MTMR1: variants seen among roughly 807,000 people sequenced by gnomAD.
The protein encoded by MTMR1 is myotubularin related protein 1, also known as phosphatidylinositol-3-phosphate phosphatase MTMR1.
A neutral mutation model predicts 51.6 loss-of-function variants in MTMR1; 17 were observed. The observed-to-expected ratio is 0.33, with a 90% CI of 0.23 to 0.49. MTMR1 has a LOEUF of 0.49. Among genes scored for constraint, MTMR1 ranks in the 20% least tolerant of loss-of-function variants. The pLI is 0.99. For synonymous variants in MTMR1, 201 were observed against 205.6 expected, an observed-to-expected ratio of 0.98 and a Z score of 0.19; for missense variants, 386 against 526.9, an observed-to-expected ratio of 0.73 and a Z score of 2.62.
rs182767235 is a variant in MTMR1 at position 150,727,541 on chromosome X, A to G, written c.448-143A>G. 697 of 498,245 alleles carry G rather than the reference A, an allele frequency of 1.4e-3. 1 individual carries two copies. Among genetic ancestry groups the G allele is most frequent in the Non-Finnish European group, 1.8e-3 (549 of 300,369 alleles). 41.1% of individuals were successfully genotyped at this position (498,245 alleles called of 1,213,427 possible). On this transcript the variant is annotated intron_variant, in intron 5 of 15. Transcript: ENST00000445323. The stretch of plus-strand genomic sequence containing the variant: ...TTGTCTCAATATATATTTCACAAGG[A>G]ATGCTGTCAATCAGACTTCAATTTA...
intron 10 of MTMR1, among the ~76,000 whole-genome samples, chrX:150,733,892 G>T (rs1214645380): frequency 8.9e-6 from 1 of 111,818 alleles, no homozygotes; most frequent in Non-Finnish European, 1.9e-5. Context: ...AGTGGTGTCT[G>T]TTACTGAGAT....
intron 1 of MTMR1, among the ~76,000 whole-genome samples, chrX:150,698,323 C>T (rs1557415796): frequency 9.1e-6 from 1 of 109,995 alleles, no homozygotes; most frequent in Non-Finnish European, 1.9e-5. Flanking sequence ...AAATAAAAAC[C>T]ATTTGTAAGT....
At chrX:150,740,069 A>AGATCAAT (rs1461129005) in intron 12 of MTMR1, among the ~76,000 whole-genome samples, 1 of 111,072 alleles carries the variant, frequency 9.0e-6, no homozygotes, top group Non-Finnish European at 1.9e-5. Context: ...CCTCTTCCCT[A>AGATCAAT]GATCATTCCC....
chrX:150,740,233 C>T (rs782320024), intron 12 of MTMR1, among the ~76,000 whole-genome samples: 2 of 112,105 alleles, frequency 1.8e-5, no homozygotes, highest in East Asian at 5.6e-4. Flanking sequence ...TCCTTCCAGA[C>T]TGTCTTGAAA....
intron 9 of MTMR1, among the ~76,000 whole-genome samples, chrX:150,732,186 T>C (rs781806645): frequency 8.9e-6 from 1 of 112,159 alleles, no homozygotes; most frequent in Non-Finnish European, 1.9e-5. Flanking sequence ...ACGTATATTA[T>C]TGTTGAGATA....
In MTMR1 at chrX:150,762,843, C is replaced by A; in HGVS notation, c.*114C>A. On this transcript the variant is annotated 3_prime_UTR_variant, in exon 16 of 16. Coordinates refer to ENST00000445323, the MANE Select transcript of MTMR1 (RefSeq NM_001306144.3). ...TGTCTTTTAGGATTAGGCCCAGGGA[C>A]CATTTGTGTGGCTAGGTGACAGCTC... 1.2e-6 allele frequency: 1 copy of A among 865,515 alleles called. No individual in the cohort carries two copies. The highest frequency in any genetic ancestry group is 1.5e-6 in the Non-Finnish European group (1 of 659,936). 71.3% of individuals were successfully genotyped at this position (865,515 alleles called of 1,213,427 possible). A position where few individuals can be genotyped will look rare whatever the true frequency, so the allele number is the denominator to read the frequency against.
intron 1 of MTMR1, among the ~76,000 whole-genome samples, chrX:150,693,877 C>T (rs1207966169): frequency 9.1e-6 from 1 of 110,286 alleles, no homozygotes; most frequent in African/African-American, 3.3e-5. Flanking sequence ...GCCCTCGGAC[C>T]TGCTGCGGGC....
upstream of MTMR1, chrX:150,693,247 C>T (rs2040536995): frequency 1.6e-5 from 2 of 126,562 alleles, no homozygotes; most frequent in African/African-American, 3.2e-5. Flanking sequence ...CCCAGATCCC[C>T]GCTGTAAGGC....
At chrX:150,734,388 C>T (rs1557417089) in intron 10 of MTMR1, among the ~76,000 whole-genome samples, 1 of 112,907 alleles carries the variant, frequency 8.9e-6, no homozygotes, top group Non-Finnish European at 1.9e-5. Flanking sequence ...GCCAGGGATT[C>T]GATGTGGATG....
At chrX:150,738,821 G>A (rs1177086489) in intron 12 of MTMR1, among the ~76,000 whole-genome samples, 1 of 111,718 alleles carries the variant, frequency 9.0e-6, no homozygotes, top group Non-Finnish European at 1.9e-5. Context: ...CTCAATTTTG[G>A]GGATCACAAG....
chrX:150,705,264 G>A (rs1428188224), intron 2 of MTMR1, among the ~76,000 whole-genome samples: 1 of 111,505 alleles, frequency 9.0e-6, no homozygotes, highest in Non-Finnish European at 1.9e-5. Flanking sequence ...TGTCGTCAAA[G>A]TCCCAAAGGA....
Position 150,727,796 on chromosome X carries a change from A to G in MTMR1, c.555+5A>G. ...GGTATAGAGATAGTGTGCAAGGTAT[A>G]ATAGAAACGCCAAGTGAAAACTAAA... is the stretch of plus-strand genomic sequence containing the variant. On this transcript the variant is annotated splice_donor_5th_base_variant and intron_variant, in intron 6 of 15. Transcript: ENST00000445323. The G allele has an allele frequency of 1.7e-6, 2 of 1,173,687 alleles. No individual in the cohort carries two copies. Among genetic ancestry groups the G allele is most frequent in the Non-Finnish European group, 2.3e-6 (2 of 864,597 alleles).
chrX:150,704,019 A>G (rs2041009870), intron 2 of MTMR1, among the ~76,000 whole-genome samples: 1 of 112,022 alleles, frequency 8.9e-6, no homozygotes, highest in South Asian at 3.7e-4. Flanking sequence ...GAAAAAATGG[A>G]GCAAATGTAT....
chrX:150,712,948 T>C, intron 3 of MTMR1: 1 of 945,966 alleles, frequency 1.1e-6, no homozygotes. Flanking sequence ...TTTCAGAACA[T>C]TCATAAAGCA....
At chrX:150,759,393 C>T (rs182613378) in intron 15 of MTMR1, among the ~76,000 whole-genome samples, 1 of 110,355 alleles carries the variant, frequency 9.1e-6, no homozygotes, top group East Asian at 2.8e-4. Flanking sequence ...CTTGGTGACT[C>T]AAAGGCCCGG....
intron 1 of MTMR1, among the ~76,000 whole-genome samples, chrX:150,696,389 T>G (rs1279672337): frequency 9.0e-6 from 1 of 111,399 alleles, no homozygotes; most frequent in Non-Finnish European, 1.9e-5. Flanking sequence ...GGGCCTTCAC[T>G]TCTCTTCTGA....
At chrX:150,734,804 ATCT>A (rs1352807196) in intron 10 of MTMR1, among the ~76,000 whole-genome samples, 2 of 112,624 alleles carry the variant, frequency 1.8e-5, no homozygotes, top group Non-Finnish European at 3.7e-5. Context: ...TGCCTTTCAT[ATCT>A]TCTTCTTGCA....
intron 12 of MTMR1, among the ~76,000 whole-genome samples, chrX:150,741,261 C>T (rs1426196647): frequency 9.0e-6 from 1 of 111,490 alleles, no homozygotes; most frequent in South Asian, 3.8e-4. Context: ...ACATCTCCAG[C>T]CTCACCTCTC....
At chrX:150,698,990 G>A (rs1236022407) in intron 1 of MTMR1, among the ~76,000 whole-genome samples, 3 of 112,009 alleles carry the variant, frequency 2.7e-5, no homozygotes, top group African/African-American at 9.7e-5. Flanking sequence ...AGAAAATTGG[G>A]TGATTCATTT....
Sources: allele counts gnomAD v4.1 joint callset (sites outside exome capture counted in the v4.1 genomes callset), GRCh38; gene constraint gnomAD v4.1.1; transcripts MANE v1.5; gene names NCBI Gene and HGNC (gene_info 2026-07-23, HGNC 2026-07-21).